PBX1: variants seen among roughly 807,000 people sequenced by gnomAD.
PBX1 encodes pre-B-cell leukemia transcription factor 1.
Under a neutral mutation model 53.4 loss-of-function variants are expected in PBX1, and 6 were observed. That is an observed-to-expected ratio of 0.11 (90% CI 0.06 to 0.22). The LOEUF (loss-of-function observed/expected upper bound fraction) is 0.22, where lower values mean the gene tolerates loss of function less well. Among genes scored for constraint, PBX1 ranks in the 10% least tolerant of loss-of-function variants. PBX1 has a pLI of 1.00. For synonymous variants in PBX1, 204 were observed against 212.3 expected (o/e 0.96, Z 0.34); for missense variants, 251 against 551.4 (o/e 0.46, Z 5.46).
intron 2 of PBX1, among the ~76,000 whole-genome samples, chr1:164,615,027 G>A (rs528618837): frequency 2.6e-4 from 39 of 152,192 alleles, no homozygotes; most frequent in Non-Finnish European, 4.6e-4. Flanking sequence ...TGCCCACTTC[G>A]GCCTCCCAAA....
At chr1:164,594,690 T>C (rs1655638650) in intron 2 of PBX1, among the ~76,000 whole-genome samples, 2 of 152,222 alleles carry the variant, frequency 1.3e-5, no homozygotes, top group Non-Finnish European at 2.9e-5. Flanking sequence ...TTCCAGTATA[T>C]TCAGAATACT....
At chr1:164,869,515 C>T (rs1032163351) in intron 2 of PBX1, among the ~76,000 whole-genome samples, 1 of 152,170 alleles carries the variant, frequency 6.6e-6, no homozygotes, top group Non-Finnish European at 1.5e-5. Flanking sequence ...TCATCCTAGC[C>T]AGCCCTGCTG....
At chr1:164,676,735 A>G (rs1475291808) in intron 2 of PBX1, among the ~76,000 whole-genome samples, 2 of 152,170 alleles carry the variant, frequency 1.3e-5, no homozygotes, top group Non-Finnish European at 2.9e-5. Flanking sequence ...ATACGCATTA[A>G]TGTCCTTGTT....
intron 8 of PBX1, among the ~76,000 whole-genome samples, chr1:164,846,009 T>C (rs1671553034): frequency 6.6e-6 from 1 of 152,198 alleles, no homozygotes; most frequent in Non-Finnish European, 1.5e-5. Context: ...TATAAGTTCA[T>C]TCGTGGGCTT....
intron 2 of PBX1, among the ~76,000 whole-genome samples, chr1:164,731,149 A>C (rs542323771): frequency 1.3e-5 from 2 of 152,282 alleles, no homozygotes; most frequent in Non-Finnish European, 2.9e-5. Flanking sequence ...CAACAGGTCT[A>C]CTGCAGGCTG....
intron 2 of PBX1, among the ~76,000 whole-genome samples, chr1:164,606,239 C>T (rs1414981986): frequency 6.6e-6 from 1 of 152,206 alleles, no homozygotes; most frequent in Non-Finnish European, 1.5e-5. Flanking sequence ...CCTGTTATCC[C>T]AGTGCTTTGG....
intron 2 of PBX1, among the ~76,000 whole-genome samples, chr1:164,724,367 G>A (rs978602541): frequency 3.9e-5 from 6 of 152,104 alleles, no homozygotes; most frequent in Non-Finnish European, 7.4e-5. Context: ...CTCTAGCCAG[G>A]CTTCCCTTGG....
At chr1:164,629,087 G>A (rs1015072853) in intron 2 of PBX1, among the ~76,000 whole-genome samples, 3 of 152,058 alleles carry the variant, frequency 2.0e-5, no homozygotes, top group Admixed American at 2.0e-4. Context: ...CCCTTACCCT[G>A]GTCATCTGTG....
intron 2 of PBX1, among the ~76,000 whole-genome samples, chr1:164,666,820 T>A (rs1660836796): frequency 6.6e-6 from 1 of 152,202 alleles, no homozygotes. Flanking sequence ...ACTTGCTACC[T>A]TCTACTGAGT....
At chr1:164,823,923 G>A (rs16835223) in intron 8 of PBX1, among the ~76,000 whole-genome samples, 45 of 152,218 alleles carry the variant, frequency 3.0e-4, no homozygotes, top group African/African-American at 1.1e-3. Flanking sequence ...GCTTGTTATA[G>A]TGAGATGTAT....
intron 2 of PBX1, among the ~76,000 whole-genome samples, chr1:164,718,207 A>G (rs940498650): frequency 3.9e-5 from 6 of 152,236 alleles, no homozygotes; most frequent in African/African-American, 1.4e-4. Context: ...TAAATTTGCC[A>G]TATACATTAA....
In PBX1 at chr1:164,851,516, C is replaced by T. The variant is rs1671840442; in HGVS notation, c.*4840C>T. The T allele has an allele frequency of 1.1e-5, 2 of 187,194 alleles. No individual in the cohort carries two copies. The allele number at this position is 187,194 out of a possible 1,614,324, so 11.6% of individuals were successfully genotyped here. On this transcript the variant is annotated 3_prime_UTR_variant, in exon 9 of 9. Transcript: ENST00000420696. The stretch of plus-strand genomic sequence containing the variant: ...AAATAAAACATTCAATGTTTTTCTC[C>T]TTTTCTCTCTTATTACTTCTTTCCT...
intron 8 of PBX1, among the ~76,000 whole-genome samples, chr1:164,838,366 G>A (rs1183311248): frequency 1.3e-5 from 2 of 152,142 alleles, no homozygotes; most frequent in Non-Finnish European, 2.9e-5. Flanking sequence ...AGCTTGTCTT[G>A]TTCAAAACCA....
intron 2 of PBX1, among the ~76,000 whole-genome samples, chr1:164,663,734 T>C (rs1660648705): frequency 6.6e-6 from 1 of 152,276 alleles, no homozygotes; most frequent in African/African-American, 2.4e-5. Flanking sequence ...CAAATAATTA[T>C]ATTAGCAAAG....
intron 2 of PBX1, among the ~76,000 whole-genome samples, chr1:164,857,151 A>T (rs961092326): frequency 6.6e-6 from 1 of 152,112 alleles, no homozygotes; most frequent in Non-Finnish European, 1.5e-5. Context: ...CACCAGCAAC[A>T]AGTATTGTGT....
intron 8 of PBX1, among the ~76,000 whole-genome samples, chr1:164,835,832 C>G (rs899431799): frequency 9.2e-5 from 14 of 152,146 alleles, no homozygotes; most frequent in Non-Finnish European, 4.4e-5. Context: ...AAAGGCAGAT[C>G]TGTAAGTGAT....
chr1:164,853,055 G>T (rs1248737196), downstream of PBX1, among the ~76,000 whole-genome samples: 3 of 152,300 alleles, frequency 2.0e-5, no homozygotes, highest in Non-Finnish European at 4.4e-5. Flanking sequence ...CTCACTTACG[G>T]TATAGCCTAA....
intron 2 of PBX1, among the ~76,000 whole-genome samples, chr1:164,703,659 G>A (rs752041412): frequency 3.9e-5 from 6 of 152,156 alleles, no homozygotes; most frequent in Non-Finnish European, 5.9e-5. Context: ...TACCGCTTCC[G>A]TCACTGGCTG....
At chr1:164,779,077 T>C (rs1223913016) in intron 2 of PBX1, among the ~76,000 whole-genome samples, 1 of 147,608 alleles carries the variant, frequency 6.8e-6, no homozygotes, top group Admixed American at 6.9e-5. Flanking sequence ...GGAGTCTCAC[T>C]CTGTCCCCCA....
Sources: allele counts gnomAD v4.1 joint callset (sites outside exome capture counted in the v4.1 genomes callset), GRCh38; gene constraint gnomAD v4.1.1; transcripts MANE v1.5; gene names NCBI Gene and HGNC (gene_info 2026-07-23, HGNC 2026-07-21).